PCDH15: variants seen among roughly 807,000 people sequenced by gnomAD.
The protein encoded by PCDH15 is protocadherin-15.
Under a neutral mutation model 178.5 loss-of-function variants are expected in PCDH15, and 129 were observed. That is an observed-to-expected ratio of 0.72 (90% CI 0.63 to 0.84). The LOEUF is 0.84. Among genes scored for constraint, PCDH15 ranks in the 40% least tolerant of loss-of-function variants. PCDH15 has a pLI of 0.00. For synonymous variants in PCDH15, 800 were observed against 732.0 expected (o/e 1.09, Z -1.50); for missense variants, 2,230 against 2,099.9 (o/e 1.06, Z -1.21).
At chr10:55,449,851 G>C (rs769832540) in intron 2 of PCDH15, among the ~76,000 whole-genome samples, 1 of 152,022 alleles carries the variant, frequency 6.6e-6, no homozygotes, top group African/African-American at 2.4e-5. Flanking sequence ...TAAGTGTTCA[G>C]TTGTGCCAGA....
chr10:55,251,791 A>G (rs894306342), intron 1 of PCDH15, among the ~76,000 whole-genome samples: 2 of 152,172 alleles, frequency 1.3e-5, no homozygotes, highest in South Asian at 4.1e-4. Flanking sequence ...GCAGTAATAA[A>G]CAGTCATTTA....
intron 1 of PCDH15, among the ~76,000 whole-genome samples, chr10:55,207,877 G>A (rs1046694388): frequency 3.9e-5 from 6 of 152,088 alleles, no homozygotes; most frequent in African/African-American, 1.5e-4. Context: ...GCTGAGTCAG[G>A]AGAATCACTT....
chr10:54,550,020 T>C (rs2086371089), intron 2 of PCDH15, among the ~76,000 whole-genome samples: 1 of 152,072 alleles, frequency 6.6e-6, no homozygotes, highest in Admixed American at 6.6e-5. Context: ...TTTAAAACTC[T>C]TAAAATCTTA....
At chr10:55,141,346 T>C (rs2132088980) in intron 2 of PCDH15, among the ~76,000 whole-genome samples, 1 of 152,146 alleles carries the variant, frequency 6.6e-6, no homozygotes, top group East Asian at 1.9e-4. Flanking sequence ...TGAAAAGAAC[T>C]GGGTTAGAGT....
At chr10:54,687,915 G>A (rs1183218130) in intron 1 of PCDH15, among the ~76,000 whole-genome samples, 4 of 151,974 alleles carry the variant, frequency 2.6e-5, no homozygotes, top group Non-Finnish European at 5.9e-5. Context: ...TTGTATGGCA[G>A]AAAGTTTCAG....
chr10:54,779,464 G>GTGTGTA (rs1555192783), intron 1 of PCDH15, among the ~76,000 whole-genome samples: 2 of 94,612 alleles, frequency 2.1e-5, no homozygotes, highest in Non-Finnish European at 4.2e-5. Flanking sequence ...ATATATGTGT[G>GTGTGTA]TATATATATA....
At chr10:54,686,079 A>G (rs1591049552) in intron 1 of PCDH15, among the ~76,000 whole-genome samples, 2 of 133,106 alleles carry the variant, frequency 1.5e-5, no homozygotes, top group African/African-American at 2.9e-5. Context: ...GTAGAGACGG[A>G]GTTTCACCAT....
At chr10:55,037,354 C>A (rs1165848863) in intron 2 of PCDH15, among the ~76,000 whole-genome samples, 2 of 152,076 alleles carry the variant, frequency 1.3e-5, no homozygotes, top group African/African-American at 4.8e-5. Flanking sequence ...CTGCCTCAGC[C>A]TCCCAAGTAG....
intron 1 of PCDH15, among the ~76,000 whole-genome samples, chr10:54,762,719 T>G (rs1948044105): frequency 6.6e-6 from 1 of 152,250 alleles, no homozygotes; most frequent in South Asian, 2.1e-4. Flanking sequence ...TTAAAATGTT[T>G]ATTTTAAATT....
intron 1 of PCDH15, among the ~76,000 whole-genome samples, chr10:54,713,538 A>T (rs1384948050): frequency 6.6e-6 from 1 of 152,112 alleles, no homozygotes; most frequent in Non-Finnish European, 1.5e-5. Context: ...TTCCGAATTG[A>T]TTAAGTAGTC....
chr10:54,726,357 A>C (rs898071412), intron 1 of PCDH15, among the ~76,000 whole-genome samples: 16 of 151,510 alleles, frequency 1.1e-4, no homozygotes, highest in South Asian at 1.0e-3. Flanking sequence ...AAAATAATAA[A>C]GTTGATTCTC....
intron 20 of PCDH15, among the ~76,000 whole-genome samples, chr10:54,018,882 T>A (rs985361764): frequency 6.6e-6 from 1 of 152,088 alleles, no homozygotes; most frequent in Non-Finnish European, 1.5e-5. Context: ...ATCAATTATA[T>A]TTTTGGGGGT....
At chr10:54,169,999 A>T (rs2046711423) in intron 13 of PCDH15, among the ~76,000 whole-genome samples, 1 of 150,120 alleles carries the variant, frequency 6.7e-6, no homozygotes, top group Non-Finnish European at 1.5e-5. Flanking sequence ...TCTGTTCTAG[A>T]TCTCAAACAT....
chr10:53,980,680 A>G lies in PCDH15; in HGVS notation c.2868+14969T>C, dbSNP rs532262927. On this transcript the variant is annotated intron_variant, in intron 21 of 37. Coordinates refer to ENST00000644397, the MANE Select transcript of PCDH15 (RefSeq NM_001384140.1). ...ATAATCCAGCAAAATAGTTCTTCTT[A>G]TTCCTATATGATTACAAGGTTTAAA... Among the ~76,000 whole-genome samples the G allele has an allele frequency of 6.0e-4, 92 of 152,342 alleles. 1 individual carries two copies. The highest frequency in any genetic ancestry group is 1.8e-3 in the Admixed American group (28 of 15,310).
rs777989347 is a variant in PCDH15, at chr10:53,804,827, C to G, written c.*1752G>C. 2 of 151,918 alleles carry G rather than the reference C, an allele frequency of 1.3e-5. No homozygotes were observed. The highest frequency in any genetic ancestry group is 2.9e-5 in the Non-Finnish European group (2 of 67,922). 9.4% of individuals were successfully genotyped at this position (151,918 alleles called of 1,614,324 possible). On this transcript the variant is annotated 3_prime_UTR_variant, in exon 38 of 38. Coordinates refer to ENST00000644397, the MANE Select transcript of PCDH15 (RefSeq NM_001384140.1). ...TCCAAAATTTAATGTGCATATAAAC[C>G]ACCTTAGGATCTTTTGAAAATGTGG... is the stretch of plus-strand genomic sequence containing the variant.
chr10:54,837,652 T>C (rs1048599335), intron 3 of PCDH15, among the ~76,000 whole-genome samples: 13 of 152,218 alleles, frequency 8.5e-5, no homozygotes, highest in African/African-American at 2.6e-4. Context: ...GTCAAAAATA[T>C]AATAGAGTGA....
intron 3 of PCDH15, among the ~76,000 whole-genome samples, chr10:54,438,268 CTTTTTTTTTTTTTTTTTTT>C (rs1039826987): frequency 1.1e-5 from 1 of 93,992 alleles, no homozygotes; most frequent in Non-Finnish European, 2.1e-5. Context: ...AAGAGAAAAG[CTTTTTTTTTTTTTTTTTTT>C]TTTTAAATAA....
intron 2 of PCDH15, among the ~76,000 whole-genome samples, chr10:55,411,378 A>G (rs1470275100): frequency 6.6e-6 from 1 of 152,092 alleles, no homozygotes; most frequent in Non-Finnish European, 1.5e-5. Flanking sequence ...AACAAATATT[A>G]TTACCAATTA....
At chr10:54,164,796 T>A (rs1469518023) in intron 13 of PCDH15, among the ~76,000 whole-genome samples, 1 of 151,830 alleles carries the variant, frequency 6.6e-6, no homozygotes, top group Non-Finnish European at 1.5e-5. Context: ...TGCAGATGAC[T>A]TAGAAGTCAT....
Sources: allele counts gnomAD v4.1 joint callset (sites outside exome capture counted in the v4.1 genomes callset), GRCh38; gene constraint gnomAD v4.1.1; transcripts MANE v1.5; gene names NCBI Gene and HGNC (gene_info 2026-07-23, HGNC 2026-07-21).